SERAC1: variants seen among roughly 807,000 people sequenced by gnomAD.
SERAC1 encodes protein SERAC1.
In SERAC1, 36 loss-of-function variants were observed where a neutral mutation model predicts 85.7. The observed-to-expected ratio is 0.42, with a 90% CI of 0.32 to 0.55. The LOEUF (loss-of-function observed/expected upper bound fraction) is 0.55, where lower values mean the gene tolerates loss of function less well. Among genes scored for constraint, SERAC1 ranks in the 20% least tolerant of loss-of-function variants. The pLI, the probability that SERAC1 is intolerant of heterozygous loss-of-function variation, is 0.11. For missense variants in SERAC1, 629 were observed against 796.2 expected, an observed-to-expected ratio of 0.79 and a Z score of 2.53; for synonymous variants, 242 against 265.3, an observed-to-expected ratio of 0.91 and a Z score of 0.85.
chr6:158,160,263 C>T (rs373781216), intron 1 of SERAC1, among the ~76,000 whole-genome samples: 53 of 151,704 alleles, frequency 3.5e-4, no homozygotes, highest in East Asian at 1.2e-3. Context: ...TCCCTAGGAA[C>T]GAAGAACTGT....
chr6:158,113,086 TTTC>T (rs1483484972), intron 16 of SERAC1: 1 of 282,422 alleles, frequency 3.5e-6, no homozygotes, highest in Non-Finnish European at 6.5e-6. Flanking sequence ...TTTAGATGAT[TTTC>T]TTAAGGGTTC....
chr6:158,144,997 A>C (rs1785019886), intron 6 of SERAC1, among the ~76,000 whole-genome samples: 1 of 152,178 alleles, frequency 6.6e-6, no homozygotes, highest in Non-Finnish European at 1.5e-5. Flanking sequence ...TAATACCAGC[A>C]CTTTGGGAAG....
Position 158,125,880 on chromosome 6 carries a change from C to A in SERAC1, c.1015+2228G>T, listed in dbSNP as rs137973981. On this transcript the variant is annotated intron_variant, in intron 10 of 16. Coordinates refer to ENST00000647468, the MANE Select transcript of SERAC1 (RefSeq NM_032861.4). ...AGACTGTAAGGATACAACCATTAAA[C>A]ACACAAACACAGTATAAAAAGCCAA... is the stretch of plus-strand genomic sequence containing the variant. Among the ~76,000 whole-genome samples the A allele has an allele frequency of 3.9e-3, 591 of 151,980 alleles. 6 individuals carry two copies. The highest frequency in any genetic ancestry group is 0.014 in the African/African-American group (566 of 41,446).
chr6:158,128,090 A>G lies in SERAC1; in HGVS notation c.1015+18T>C. 2 of 1,605,862 alleles carry G rather than the reference A, an allele frequency of 1.2e-6. No homozygotes were observed. Among genetic ancestry groups the G allele is most frequent in the East Asian group, 2.2e-5 (1 of 44,796 alleles). On this transcript the variant is annotated intron_variant, in intron 10 of 16. Transcript: ENST00000647468. Reference sequence around the variant, plus strand: ...TGGGAGAACAAAGTAAAAAATACTCAGTATATAAAGCTGTTACCTGAGCGA... The same window carrying G: ...TGGGAGAACAAAGTAAAAAATACTCGGTATATAAAGCTGTTACCTGAGCGA...
intron 8 of SERAC1, among the ~76,000 whole-genome samples, chr6:158,133,349 T>C (rs865465): frequency 0.52 from 72,317 of 138,974 alleles, 19,515 homozygotes; most frequent in African/African-American, 0.6. Context: ...AAGGCAACAG[T>C]AATATAAAAG....
At chr6:158,162,174 T>C (rs1434276598) in intron 1 of SERAC1, 1 of 152,208 alleles carries the variant, frequency 6.6e-6, no homozygotes, top group Non-Finnish European at 1.5e-5. Flanking sequence ...AAAATCCAGG[T>C]ACATTTGAAA....
intron 3 of SERAC1, chr6:158,151,267 G>T (rs551168277): frequency 6.6e-6 from 1 of 152,204 alleles, no homozygotes; most frequent in South Asian, 2.1e-4. Flanking sequence ...AAAAAATTTT[G>T]CTGGCACAGT....
Position 158,119,070 on chromosome 6 carries a change from G to GT in SERAC1, c.1266dup (p.Pro423ThrfsTer5), listed in dbSNP as rs927446955. 1 of 1,613,896 alleles carries GT rather than the reference G, an allele frequency of 6.2e-7. No homozygotes were observed. Among genetic ancestry groups the GT allele is most frequent in the Non-Finnish European group, 8.5e-7 (1 of 1,179,904 alleles). On this transcript the variant is annotated frameshift_variant, in exon 12 of 17. Coordinates refer to ENST00000647468, the MANE Select transcript of SERAC1 (RefSeq NM_032861.4). LOFTEE classifies it high-confidence loss of function. The surrounding 1 kb of genome is among the most constrained non-coding windows in gnomAD (Gnocchi z 4.5). ...GTATATCTGTCTTCATCCTCCATAG[G>GT]TTTTTCAATTACAGCCTGCTCACTG...
intron 8 of SERAC1, among the ~76,000 whole-genome samples, chr6:158,135,083 T>C (rs1369801965): frequency 6.6e-6 from 1 of 152,108 alleles, no homozygotes; most frequent in African/African-American, 2.4e-5. Context: ...AGGGCCAATC[T>C]ACAAACCACT....
intron 5 of SERAC1, among the ~76,000 whole-genome samples, chr6:158,148,413 A>AT (rs1785122061): frequency 6.6e-6 from 1 of 152,182 alleles, no homozygotes; most frequent in Admixed American, 6.5e-5. Flanking sequence ...AGCCCTTAAA[A>AT]TTAAATACAG....
rs1240159140 is a variant in SERAC1 at position 158,155,867 on chromosome 6, G to A, written c.92-516C>T. 1.8e-4 allele frequency among the ~76,000 whole-genome samples: 28 copies of A among 152,302 alleles called. No homozygotes were observed. In the Middle Eastern group the frequency reaches 0.01, roughly 56 times the overall value. The stretch of plus-strand genomic sequence containing the variant: ...CCCCATTTAAAATAGAGATTAGGCC[G>A]GGTGCGGTGGCTCACGCCTGTAGTT... On this transcript the variant is annotated intron_variant, in intron 2 of 16. Transcript: ENST00000647468.
rs753181670 is a variant in SERAC1 at position 158,143,305 on chromosome 6, GTCTCTCTCTCTCTCTCTCTC to G, written c.610-141_610-122del. 381 of 606,130 alleles carry G rather than the reference GTCTCTCTCTCTCTCTCTCTC, an allele frequency of 6.3e-4. 2 individuals carry two copies. Among genetic ancestry groups the G allele is most frequent in the South Asian group, 2.4e-3 (70 of 29,434 alleles). The allele number at this position is 606,130 out of a possible 1,614,324, so 37.5% of individuals were successfully genotyped here. On this transcript the variant is annotated intron_variant, in intron 7 of 16. Coordinates refer to ENST00000647468, the MANE Select transcript of SERAC1 (RefSeq NM_032861.4). ...TCAAAGCCATATATTATGTGTGCAT[GTCTCTCTCTCTCTCTCTCTC>G]TCTCTCTCTCTCTCTCTCTCTCTAT...
At chr6:158,165,854 G>T (rs1785587118) in intron 1 of SERAC1, among the ~76,000 whole-genome samples, 1 of 152,062 alleles carries the variant, frequency 6.6e-6, no homozygotes, top group Non-Finnish European at 1.5e-5. Flanking sequence ...TCTAGTTCAA[G>T]CCAACATCAT....
In SERAC1 at chr6:158,110,489, G is replaced by C. The variant is rs1164053168; in HGVS notation, c.*877C>G. On this transcript the variant is annotated 3_prime_UTR_variant, in exon 17 of 17. Transcript: ENST00000647468. ...AATGCTGTTACTCTAAAGAAAAAAAGGTCATCGACATGATTATCTACTACT... is the reference window on the plus strand; with the variant it reads ...AATGCTGTTACTCTAAAGAAAAAAACGTCATCGACATGATTATCTACTACT... The C allele has an allele frequency of 6.6e-6, 1 of 152,134 alleles. No homozygotes were observed. Among genetic ancestry groups the C allele is most frequent in the Non-Finnish European group, 1.5e-5 (1 of 68,018 alleles). 9.4% of individuals were successfully genotyped at this position (152,134 alleles called of 1,614,324 possible). A position where few individuals can be genotyped will look rare whatever the true frequency, so the allele number is the denominator to read the frequency against.
At chr6:158,147,292 T>C (rs1488132380) in intron 5 of SERAC1, among the ~76,000 whole-genome samples, 1 of 151,372 alleles carries the variant, frequency 6.6e-6, no homozygotes, top group Non-Finnish European at 1.5e-5. Flanking sequence ...GGGTATACCA[T>C]CAGGCCCAGC....
intron 10 of SERAC1, among the ~76,000 whole-genome samples, chr6:158,122,811 C>A (rs1284157370): frequency 2.0e-5 from 3 of 152,098 alleles, no homozygotes; most frequent in Non-Finnish European, 2.9e-5. Context: ...TCTATGTGCA[C>A]TTTTTGAAAC....
chr6:158,126,264 A>C (rs1254310573), intron 10 of SERAC1, among the ~76,000 whole-genome samples: 2 of 152,166 alleles, frequency 1.3e-5, no homozygotes, highest in South Asian at 2.1e-4. Context: ...AAAAGTATAG[A>C]GGTTTCTTCA....
intron 10 of SERAC1, among the ~76,000 whole-genome samples, chr6:158,124,917 G>A (rs1027249415): frequency 6.6e-6 from 1 of 152,010 alleles, no homozygotes; most frequent in African/African-American, 2.4e-5. Flanking sequence ...CAATACACAA[G>A]AAATACTAAA....
intron 10 of SERAC1, among the ~76,000 whole-genome samples, chr6:158,122,842 G>A (rs920993331): frequency 3.3e-5 from 5 of 152,134 alleles, no homozygotes; most frequent in African/African-American, 1.2e-4. Flanking sequence ...TCATACTACT[G>A]TTCTGTGTCT....
Sources: allele counts gnomAD v4.1 joint callset (sites outside exome capture counted in the v4.1 genomes callset), GRCh38; gene constraint gnomAD v4.1.1; non-coding constraint Gnocchi (gnomAD v3.1); transcripts MANE v1.5; gene names NCBI Gene and HGNC (gene_info 2026-07-23, HGNC 2026-07-21).